RALYL: variants seen among roughly 807,000 people sequenced by gnomAD.
The protein encoded by RALYL is RALY RNA binding protein like.
Under a neutral mutation model 35.1 loss-of-function variants are expected in RALYL, and 29 were observed. That is an observed-to-expected ratio of 0.83 (90% CI 0.61 to 1.13). The LOEUF is 1.13. RALYL is among the 50% of genes most tolerant of loss of function. The pLI is 0.00. For missense variants in RALYL, 359 were observed against 360.4 expected (o/e 1.00, Z 0.03); for synonymous variants, 120 against 127.6 (o/e 0.94, Z 0.40).
chr8:84,729,958 A>C (rs546539501), intron 2 of RALYL, among the ~76,000 whole-genome samples: 1 of 152,272 alleles, frequency 6.6e-6, no homozygotes, highest in Admixed American at 6.5e-5. Context: ...CAGAGGTACA[A>C]GGAGGAACTG....
chr8:84,773,269 G>T (rs188686767), intron 2 of RALYL, among the ~76,000 whole-genome samples: 1 of 152,266 alleles, frequency 6.6e-6, no homozygotes, highest in Admixed American at 6.5e-5. Context: ...GTTTTATGTT[G>T]CATTCTTTAA....
At chr8:84,654,645 T>C (rs1829602387) in intron 2 of RALYL, among the ~76,000 whole-genome samples, 1 of 152,064 alleles carries the variant, frequency 6.6e-6, no homozygotes, top group African/African-American at 2.4e-5. Context: ...TCAATTGTTT[T>C]AATATTTAGC....
intron 1 of RALYL, among the ~76,000 whole-genome samples, chr8:84,267,582 G>C (rs1272712840): frequency 6.6e-6 from 1 of 152,110 alleles, no homozygotes; most frequent in East Asian, 1.9e-4. Context: ...TTCTGCCTAT[G>C]TTACGCCATG....
chr8:84,745,133 G>A (rs1808312661), intron 2 of RALYL, among the ~76,000 whole-genome samples: 1 of 151,094 alleles, frequency 6.6e-6, no homozygotes, highest in Admixed American at 6.6e-5. Context: ...AGTCATCATG[G>A]TCCATCCATA....
chr8:84,603,209 G>A (rs1816353362), intron 2 of RALYL, among the ~76,000 whole-genome samples: 1 of 151,990 alleles, frequency 6.6e-6, no homozygotes, highest in Non-Finnish European at 1.5e-5. Context: ...AATAAGGAAT[G>A]AGAAAGGTGG....
In RALYL at chr8:84,310,971, C is replaced by T. The variant is rs1399660090; in HGVS notation, c.-24+126547C>T. Among the ~76,000 whole-genome samples the T allele has an allele frequency of 1.3e-4, 17 of 130,684 alleles. 1 individual carries two copies. The highest frequency in any genetic ancestry group is 2.5e-4 in the South Asian group (1 of 4,044). The allele number at this position is 130,684 out of a possible 152,430, so 85.7% of individuals were successfully genotyped here. ...CTGAGGCAGGAGAATGGCGTGAACC[C>T]GGGAAGCGGAGCTTGCAGTGAGCCG... is the stretch of plus-strand genomic sequence containing the variant. On this transcript the variant is annotated intron_variant, in intron 1 of 8. Coordinates refer to ENST00000521268, the MANE Select transcript of RALYL (RefSeq NM_173848.7).
At chr8:84,353,521 A>G (rs772571362) in intron 1 of RALYL, among the ~76,000 whole-genome samples, 2 of 150,386 alleles carry the variant, frequency 1.3e-5, no homozygotes, top group Non-Finnish European at 3.0e-5. Flanking sequence ...CAGCTGTGAC[A>G]ATGTTTATAA....
In RALYL at chr8:84,911,603, G is replaced by C. The variant is rs534165900; in HGVS notation, c.859-9291G>C. 7.2e-5 allele frequency among the ~76,000 whole-genome samples: 11 copies of C among 152,134 alleles called. No individual in the cohort carries two copies. The East Asian group carries it at 1.2e-3, about 16-fold the overall frequency. On this transcript the variant is annotated intron_variant, in intron 8 of 8. Coordinates refer to ENST00000521268, the MANE Select transcript of RALYL (RefSeq NM_173848.7). Reference sequence around the variant, plus strand: ...AACTGGGTGTCCTATAGTTGATTCAGTTCACAGTATCTATCTGGAGATAGC... The same window carrying C: ...AACTGGGTGTCCTATAGTTGATTCACTTCACAGTATCTATCTGGAGATAGC...
chr8:84,473,215 A>G (rs1481546991), intron 1 of RALYL, among the ~76,000 whole-genome samples: 1 of 151,958 alleles, frequency 6.6e-6, no homozygotes, highest in Admixed American at 6.6e-5. Flanking sequence ...ATTCTTAACG[A>G]CTCTAATTTA....
intron 8 of RALYL, among the ~76,000 whole-genome samples, chr8:84,914,716 C>T (rs1052417386): frequency 6.6e-5 from 10 of 151,750 alleles, no homozygotes; most frequent in Admixed American, 2.6e-4. Flanking sequence ...GCCAAAAGCA[C>T]GTTCTTAATT....
chr8:84,518,810 C>T (rs945240413), intron 1 of RALYL, among the ~76,000 whole-genome samples: 5 of 152,086 alleles, frequency 3.3e-5, no homozygotes, highest in Non-Finnish European at 5.9e-5. Context: ...AATCACTTAG[C>T]GATCTTAACT....
chr8:84,790,304 A>AACG (rs1389104036), intron 3 of RALYL, among the ~76,000 whole-genome samples: 1 of 152,228 alleles, frequency 6.6e-6, no homozygotes, highest in Non-Finnish European at 1.5e-5. Context: ...AGAGAGATGA[A>AACG]ACGCAAAATA....
At chr8:84,639,288 T>C (rs1431934889) in intron 2 of RALYL, among the ~76,000 whole-genome samples, 1 of 151,864 alleles carries the variant, frequency 6.6e-6, no homozygotes, top group East Asian at 1.9e-4. Flanking sequence ...AAAAACCATA[T>C]GGCAGTTAGA....
chr8:84,227,930 T>A (rs1448184280), intron 1 of RALYL, among the ~76,000 whole-genome samples: 1 of 152,094 alleles, frequency 6.6e-6, no homozygotes, highest in Admixed American at 6.6e-5. Context: ...GTGTCTACCA[T>A]CAGAATTTAA....
rs1218815675 is a variant in RALYL, at chr8:84,388,330, T to A, written c.-23-140969T>A. Among the ~76,000 whole-genome samples, 20 of 152,286 alleles carry A rather than the reference T, an allele frequency of 1.3e-4. No individual in the cohort carries two copies. In the East Asian group the frequency reaches 3.7e-3, roughly 28 times the overall value. ...GTGTGCATGTGTCTTTATAGCAGCA[T>A]GATTTATAGTCCTTTGGGTATATAC... On this transcript the variant is annotated intron_variant, in intron 1 of 8. Coordinates refer to ENST00000521268, the MANE Select transcript of RALYL (RefSeq NM_173848.7).
rs141729301 is a variant in RALYL, at chr8:84,336,561, G to A, written c.-24+152137G>A. Among the ~76,000 whole-genome samples, 298 of 152,220 alleles carry A rather than the reference G, an allele frequency of 2.0e-3. 1 individual carries two copies. Among genetic ancestry groups the A allele is most frequent in the African/African-American group, 6.6e-3 (273 of 41,546 alleles). Reference sequence around the variant, plus strand: ...AGGGATAGAATGGGATATTTTTAAAGTATGTAAAAGGATAAGTATTCTTAT... The same window carrying A: ...AGGGATAGAATGGGATATTTTTAAAATATGTAAAAGGATAAGTATTCTTAT... On this transcript the variant is annotated intron_variant, in intron 1 of 8. Transcript: ENST00000521268.
intron 2 of RALYL, among the ~76,000 whole-genome samples, chr8:84,539,340 G>T (rs761755498): frequency 6.6e-6 from 1 of 152,024 alleles, no homozygotes; most frequent in African/African-American, 2.4e-5. Context: ...AAGGCAAAAG[G>T]GCTAGATATC....
At chr8:84,688,827 T>A (rs1837388085) in intron 2 of RALYL, among the ~76,000 whole-genome samples, 2 of 151,946 alleles carry the variant, frequency 1.3e-5, no homozygotes, top group Non-Finnish European at 2.9e-5. Context: ...ACAATACATC[T>A]CAAAATGGGT....
intron 2 of RALYL, among the ~76,000 whole-genome samples, chr8:84,691,751 A>G (rs1026853623): frequency 1.3e-5 from 2 of 152,000 alleles, no homozygotes; most frequent in Non-Finnish European, 2.9e-5. Context: ...TTCCAGGTAG[A>G]TAGAAAGCAC....
Sources: allele counts gnomAD v4.1 joint callset (sites outside exome capture counted in the v4.1 genomes callset), GRCh38; gene constraint gnomAD v4.1.1; transcripts MANE v1.5; gene names NCBI Gene and HGNC (gene_info 2026-07-23, HGNC 2026-07-21).